CNTLN: variants seen among roughly 807,000 people sequenced by gnomAD.
The protein encoded by CNTLN is centlein, centrosomal protein.
Under a neutral mutation model 180.0 loss-of-function variants are expected in CNTLN, and 212 were observed. That is an observed-to-expected ratio of 1.18 (90% confidence interval 1.05 to 1.32). The LOEUF (loss-of-function observed/expected upper bound fraction) is 1.32. CNTLN is among the 40% of genes most tolerant of loss of function. The pLI is 0.00. For missense variants in CNTLN, 2,095 were observed against 1,610.9 expected (o/e 1.30, Z -5.14); for synonymous variants, 722 against 563.1 (o/e 1.28, Z -3.99).
intron 7 of CNTLN, among the ~76,000 whole-genome samples, chr9:17,307,604 G>A (rs1818810082): frequency 6.6e-6 from 1 of 151,986 alleles, no homozygotes; most frequent in South Asian, 2.1e-4. Flanking sequence ...AAGATAAAAG[G>A]TATATTGAGC....
chr9:17,184,447 A>G (rs558846335), intron 2 of CNTLN, among the ~76,000 whole-genome samples: 2 of 152,318 alleles, frequency 1.3e-5, no homozygotes, highest in East Asian at 3.9e-4. Context: ...ATCATACGTT[A>G]TGCATAAGAT....
chr9:17,487,235 G>T, intron 25 of CNTLN, 169 bp downstream of exon 25: 1 of 609,744 alleles, frequency 1.6e-6, no homozygotes, highest in East Asian at 3.0e-5. Context: ...TTTGTACTTT[G>T]GGACTTAACA....
intron 5 of CNTLN, among the ~76,000 whole-genome samples, chr9:17,269,392 T>C (rs1413230839): frequency 1.3e-5 from 2 of 152,190 alleles, no homozygotes; most frequent in Non-Finnish European, 2.9e-5. Flanking sequence ...TACTACATAC[T>C]TAACAGCTAT....
chr9:17,153,191 C>A (rs984035543), intron 2 of CNTLN, among the ~76,000 whole-genome samples: 2 of 152,130 alleles, frequency 1.3e-5, no homozygotes, highest in African/African-American at 4.8e-5. Flanking sequence ...TGAATTTGAT[C>A]CTGTCATGAT....
intron 2 of CNTLN, among the ~76,000 whole-genome samples, chr9:17,202,546 T>C (rs1207020875): frequency 6.6e-6 from 1 of 152,166 alleles, no homozygotes; most frequent in Admixed American, 6.6e-5. Flanking sequence ...GTAGCTCTTG[T>C]TGCATTGATC....
intron 16 of CNTLN, among the ~76,000 whole-genome samples, chr9:17,413,381 A>G (rs1827997060): frequency 6.6e-6 from 1 of 152,166 alleles, no homozygotes; most frequent in Non-Finnish European, 1.5e-5. Context: ...TGATACCAAA[A>G]GCATGATCCA....
chr9:17,291,633 C>G (rs1334538418), intron 6 of CNTLN, among the ~76,000 whole-genome samples: 1 of 152,122 alleles, frequency 6.6e-6, no homozygotes, highest in Non-Finnish European at 1.5e-5. Flanking sequence ...GCAGCCCCTG[C>G]TTTTTTCTGC....
At chr9:17,236,638 C>A (rs896005271) in intron 5 of CNTLN, 50 bp downstream of exon 5, 1 of 1,454,742 alleles carries the variant, frequency 6.9e-7, no homozygotes, top group South Asian at 1.3e-5. Flanking sequence ...CTAACTTTTT[C>A]TAGGAAGTTT....
chr9:17,154,380 T>G (rs544485224), intron 2 of CNTLN, among the ~76,000 whole-genome samples: 30 of 152,358 alleles, frequency 2.0e-4, no homozygotes, highest in African/African-American at 6.3e-4. Flanking sequence ...TTCTTTTCCT[T>G]CTGACAGTCA....
intron 19 of CNTLN, among the ~76,000 whole-genome samples, chr9:17,458,079 G>C (rs1018226339): frequency 6.6e-6 from 1 of 151,846 alleles, no homozygotes; most frequent in Non-Finnish European, 1.5e-5. Flanking sequence ...CATACTTCCA[G>C]CAAGTTAAAC....
rs148089464 is a variant in CNTLN, at chr9:17,434,318, T to G, written c.3114+18129T>G. Among the ~76,000 whole-genome samples, 4 of 152,158 alleles carry G rather than the reference T, an allele frequency of 2.6e-5. No individual in the cohort carries two copies. The East Asian group carries it at 7.7e-4, about 29-fold the overall frequency. On this transcript the variant is annotated intron_variant, in intron 18 of 25. Transcript: ENST00000380647. ...TTTTGGTCTTTTTCTAACTGCTTGC[T>G]ATAAGATCTTAGAATTCTCTTTTCT...
At chr9:17,311,305 A>G (rs868302352) in intron 8 of CNTLN, among the ~76,000 whole-genome samples, 27 of 151,896 alleles carry the variant, frequency 1.8e-4, no homozygotes, top group African/African-American at 5.5e-4. Context: ...GATTACAGGC[A>G]TGAGCCACCG....
At chr9:17,326,585 A>C (rs993907634) in intron 8 of CNTLN, among the ~76,000 whole-genome samples, 2 of 152,174 alleles carry the variant, frequency 1.3e-5, no homozygotes, top group Admixed American at 6.5e-5. Context: ...AGCAAGTAAA[A>C]AAGTACAGTA....
At chr9:17,210,197 A>G (rs757964537) in intron 2 of CNTLN, among the ~76,000 whole-genome samples, 7 of 152,132 alleles carry the variant, frequency 4.6e-5, no homozygotes, top group Non-Finnish European at 1.0e-4. Context: ...ATATCACCTA[A>G]TGCTATTCCT....
chr9:17,209,342 T>C (rs545703257), intron 2 of CNTLN, among the ~76,000 whole-genome samples: 14 of 152,352 alleles, frequency 9.2e-5, no homozygotes, highest in Non-Finnish European at 1.6e-4. Context: ...ACATATGGTC[T>C]ATTCTTGATA....
intron 2 of CNTLN, among the ~76,000 whole-genome samples, chr9:17,155,178 A>G (rs1819182606): frequency 6.6e-6 from 1 of 152,194 alleles, no homozygotes. Flanking sequence ...AACTCTGGAC[A>G]CACCATCTTT....
intron 14 of CNTLN, among the ~76,000 whole-genome samples, chr9:17,393,398 C>T (rs993692024): frequency 1.3e-5 from 2 of 152,094 alleles, no homozygotes; most frequent in African/African-American, 4.8e-5. Context: ...CTTTTTCAGT[C>T]ATTTAGATTG....
At chr9:17,417,506 C>T (rs1435766269) in intron 18 of CNTLN, among the ~76,000 whole-genome samples, 2 of 151,926 alleles carry the variant, frequency 1.3e-5, no homozygotes, top group African/African-American at 2.4e-5. Flanking sequence ...ATACAAAAAA[C>T]ATTTGAACTT....
intron 12 of CNTLN, among the ~76,000 whole-genome samples, chr9:17,355,977 T>G (rs943101725): frequency 6.7e-6 from 1 of 149,614 alleles, no homozygotes; most frequent in African/African-American, 2.5e-5. Flanking sequence ...GACAGGAGAC[T>G]GGTGTGAAAC....
Sources: gnomAD v4.1 joint callset for allele counts (sites outside exome capture counted in the v4.1 genomes callset) on GRCh38, gnomAD v4.1.1 for gene constraint, MANE v1.5 for transcripts, NCBI Gene and HGNC (gene_info 2026-07-23, HGNC 2026-07-21) for gene names.